The following TOP6BL variants were observed in gnomAD, a reference collection of about 807,000 sequenced individuals.
The protein encoded by TOP6BL is type 2 DNA topoisomerase 6 subunit B-like.
the TOP6BL span, among the ~76,000 whole-genome samples, chr11:66,836,794 G>A: frequency 2.8e-5 from 4 of 142,548 alleles, no homozygotes; most frequent in African/African-American, 7.9e-5. Context: ...TCTACCTCCC[G>A]GGTTCAAGTG....
chr11:66,754,253 G>A, the TOP6BL span, among the ~76,000 whole-genome samples: 4 of 152,062 alleles, frequency 2.6e-5, no homozygotes, highest in African/African-American at 9.7e-5. Context: ...ATTTTCCCTT[G>A]CATTCTCTCT....
chr11:66,836,580 A>G, the TOP6BL span, among the ~76,000 whole-genome samples: 1 of 148,472 alleles, frequency 6.7e-6, no homozygotes, highest in Non-Finnish European at 1.5e-5. Flanking sequence ...GGGCCAGGCA[A>G]GGTGGCTCAC....
At chr11:66,793,519 C>T in the TOP6BL span, among the ~76,000 whole-genome samples, 1 of 141,242 alleles carries the variant, frequency 7.1e-6, no homozygotes, top group Non-Finnish European at 1.5e-5. Flanking sequence ...GATCTTGGCT[C>T]ACTGCAACCT....
At chr11:66,755,852 C>T in the TOP6BL span, among the ~76,000 whole-genome samples, 1 of 152,136 alleles carries the variant, frequency 6.6e-6, no homozygotes, top group East Asian at 1.9e-4. Context: ...ATGGCATTCT[C>T]CTCTGTATTT....
At chr11:66,803,971 TTTGAC>T in the TOP6BL span, 1 of 1,563,318 alleles carries the variant, frequency 6.4e-7, no homozygotes, top group Non-Finnish European at 8.7e-7. Context: ...AAATGTTAAA[TTTGAC>T]TTGTCTGTTT....
chr11:66,746,098 G>A, the TOP6BL span, among the ~76,000 whole-genome samples: 1 of 152,030 alleles, frequency 6.6e-6, no homozygotes, highest in Non-Finnish European at 1.5e-5. Context: ...GTGAGCCACC[G>A]TGCCCGGCCC....
chr11:66,774,620 A>G, the TOP6BL span, among the ~76,000 whole-genome samples: 1 of 151,716 alleles, frequency 6.6e-6, no homozygotes, highest in South Asian at 2.1e-4. Context: ...CGCCTGGCTA[A>G]TTTTTTTGTT....
chr11:66,811,955 G>A, the TOP6BL span, among the ~76,000 whole-genome samples: 1 of 151,896 alleles, frequency 6.6e-6, no homozygotes, highest in Non-Finnish European at 1.5e-5. Context: ...ATAAAAGGGT[G>A]GGGAGAGAGA....
chr11:66,815,049 C>T, the TOP6BL span, among the ~76,000 whole-genome samples: 17 of 152,108 alleles, frequency 1.1e-4, no homozygotes, highest in African/African-American at 3.4e-4. Flanking sequence ...CTGAAGAAGA[C>T]GACCAGTAGG....
At chr11:66,792,950 T>C in the TOP6BL span, among the ~76,000 whole-genome samples, 1 of 152,236 alleles carries the variant, frequency 6.6e-6, no homozygotes, top group East Asian at 1.9e-4. Context: ...CATTTTATAC[T>C]AAAATTTTAA....
chr11:66,762,487 T>C, the TOP6BL span: 1 of 261,170 alleles, frequency 3.8e-6, no homozygotes, highest in Non-Finnish European at 7.3e-6. Flanking sequence ...TTTGTTTCTT[T>C]GAGACGGAGT....
chr11:66,761,500 T>C, the TOP6BL span: 4 of 621,304 alleles, frequency 6.4e-6, no homozygotes, highest in South Asian at 9.7e-5. Flanking sequence ...TCAAAGCACA[T>C]GTCTAGCTTC....
chr11:66,762,131 T>G, the TOP6BL span: 3 of 919,152 alleles, frequency 3.3e-6, no homozygotes, highest in Non-Finnish European at 3.6e-6. Flanking sequence ...CTTCTGGATT[T>G]TCCTTTCCTC....
chr11:66,821,599 G>A, the TOP6BL span: 1 of 1,551,732 alleles, frequency 6.4e-7, no homozygotes, highest in African/African-American at 1.4e-5. Flanking sequence ...GCACAGTGAG[G>A]GGAGGTAGAT....
the TOP6BL span, among the ~76,000 whole-genome samples, chr11:66,796,914 A>G: frequency 6.7e-6 from 1 of 150,338 alleles, no homozygotes; most frequent in African/African-American, 2.5e-5. Flanking sequence ...GCTAGTCTCT[A>G]ACTCCCAGGC....
At chr11:66,802,445 G>A in the TOP6BL span, among the ~76,000 whole-genome samples, 220 of 152,134 alleles carry the variant, frequency 1.4e-3, 1 homozygote, top group African/African-American at 3.4e-3. Flanking sequence ...GAGCCACTGC[G>A]CCCAGCCCAT....
At chr11:66,760,625 CAAAAAAAAAAAAAA>C in the TOP6BL span, among the ~76,000 whole-genome samples, 17 of 54,152 alleles carry the variant, frequency 3.1e-4, no homozygotes, top group East Asian at 4.6e-3. Context: ...CCCATCTTTA[CAAAAAAAAAAAAAA>C]AAAAAAAAAA....
At chr11:66,744,945 G>C in the TOP6BL span, 1 of 1,249,360 alleles carries the variant, frequency 8.0e-7, no homozygotes, top group East Asian at 3.2e-5. Flanking sequence ...GAGAGAAAGC[G>C]GAGGACACTT....
the TOP6BL span, among the ~76,000 whole-genome samples, chr11:66,832,658 T>G: frequency 6.6e-6 from 1 of 152,268 alleles, no homozygotes; most frequent in East Asian, 1.9e-4. Flanking sequence ...CCCAGGAACG[T>G]GTCCACTGTT....
Sources: gnomAD v4.1 joint callset for allele counts (sites outside exome capture counted in the v4.1 genomes callset) on GRCh38, gnomAD v4.1.1 for gene constraint, MANE v1.5 for transcripts, NCBI Gene and HGNC (gene_info 2026-07-23, HGNC 2026-07-21) for gene names.